NAV2: variants seen among roughly 807,000 people sequenced by gnomAD.
NAV2 encodes helicase, APC down-regulated 1.
NAV2 carries 54 observed loss-of-function variants against 223.2 expected under a neutral mutation model. The ratio of observed to expected loss-of-function variants is 0.24; its 90% CI spans 0.19 to 0.30. NAV2 has a LOEUF of 0.30. Among genes scored for constraint, NAV2 ranks in the 10% least tolerant of loss-of-function variants. The pLI is 1.00. For synonymous variants in NAV2, 1,279 were observed against 1,239.3 expected, an observed-to-expected ratio of 1.03 and a Z score of -0.67; for missense variants, 2,806 against 3,147.5, an observed-to-expected ratio of 0.89 and a Z score of 2.60.
chr11:19,657,681 T>C (rs2135708242), intron 1 of NAV2, among the ~76,000 whole-genome samples: 1 of 152,258 alleles, frequency 6.6e-6, no homozygotes, highest in Middle Eastern at 3.4e-3. Flanking sequence ...AAGACTGTGC[T>C]AATGTCCCTC....
intron 6 of NAV2, among the ~76,000 whole-genome samples, chr11:19,899,214 G>A (rs2042247217): frequency 6.6e-6 from 1 of 152,186 alleles, no homozygotes; most frequent in South Asian, 2.1e-4. Context: ...GTCATGAGCA[G>A]AAGAGAAGAG....
chr11:19,903,892 C>T (rs1057405394), intron 6 of NAV2, among the ~76,000 whole-genome samples: 2 of 152,136 alleles, frequency 1.3e-5, no homozygotes, highest in African/African-American at 4.8e-5. Flanking sequence ...TGGAGAAAAC[C>T]CACAGTGTGG....
At chr11:19,616,631 A>T (rs1245582379) in intron 1 of NAV2, among the ~76,000 whole-genome samples, 2 of 151,882 alleles carry the variant, frequency 1.3e-5, no homozygotes, top group East Asian at 3.9e-4. Context: ...TGCCCTGATG[A>T]TGGGGAGGAC....
At chr11:19,856,058 C>G (rs569752545) in intron 3 of NAV2, among the ~76,000 whole-genome samples, 1 of 152,284 alleles carries the variant, frequency 6.6e-6, no homozygotes, top group Admixed American at 6.5e-5. Flanking sequence ...AATATTTAAC[C>G]ATTTTTTACC....
At chr11:19,874,821 C>T (rs1325893892) in intron 4 of NAV2, among the ~76,000 whole-genome samples, 1 of 152,144 alleles carries the variant, frequency 6.6e-6, no homozygotes, top group African/African-American at 2.4e-5. Context: ...CTGACAAATG[C>T]TCTAACATCG....
intron 6 of NAV2, among the ~76,000 whole-genome samples, chr11:19,923,892 CAA>C (rs1491581368): frequency 6.6e-6 from 1 of 152,056 alleles, no homozygotes; most frequent in African/African-American, 2.4e-5. Context: ...CAAATAAGTT[CAA>C]GAGAGAGAAA....
chr11:19,615,609 A>G (rs1347662856), intron 1 of NAV2, among the ~76,000 whole-genome samples: 1 of 152,188 alleles, frequency 6.6e-6, no homozygotes, highest in African/African-American at 2.4e-5. Flanking sequence ...CATTATATAC[A>G]TATACACATA....
At chr11:20,018,811 G>T (rs956914404) in intron 11 of NAV2, among the ~76,000 whole-genome samples, 1 of 152,188 alleles carries the variant, frequency 6.6e-6, no homozygotes, top group Non-Finnish European at 1.5e-5. Context: ...ATGTAATTGG[G>T]CCAGAGTCTA....
At chr11:19,760,201 T>C (rs1469243738) in intron 1 of NAV2, 1 of 152,220 alleles carries the variant, frequency 6.6e-6, no homozygotes, top group African/African-American at 2.4e-5. Flanking sequence ...GTGTGAGCTT[T>C]GGCATTGCTC....
At chr11:19,531,046 T>A (rs2044013871) in intron 1 of NAV2, among the ~76,000 whole-genome samples, 1 of 152,254 alleles carries the variant, frequency 6.6e-6, no homozygotes, top group African/African-American at 2.4e-5. Flanking sequence ...CAAATATTTA[T>A]AATATTCATC....
At chr11:20,028,209 A>G (rs1398810637) in intron 11 of NAV2, among the ~76,000 whole-genome samples, 1 of 152,188 alleles carries the variant, frequency 6.6e-6, no homozygotes, top group Non-Finnish European at 1.5e-5. Context: ...TTTTCATAGC[A>G]AATCGCTTGT....
chr11:19,531,753 T>C (rs1251770261), intron 1 of NAV2, among the ~76,000 whole-genome samples: 1 of 152,204 alleles, frequency 6.6e-6, no homozygotes, highest in South Asian at 2.1e-4. Flanking sequence ...GGGTGTGTTC[T>C]AGGGGTAAAT....
intron 1 of NAV2, among the ~76,000 whole-genome samples, chr11:19,522,877 A>G (rs933176822): frequency 2.6e-5 from 4 of 152,240 alleles, no homozygotes; most frequent in African/African-American, 9.6e-5. Context: ...AGCGTCCTCC[A>G]TATACCAGCC....
At chr11:20,007,445 G>T (rs1353715863) in intron 11 of NAV2, among the ~76,000 whole-genome samples, 2 of 152,226 alleles carry the variant, frequency 1.3e-5, no homozygotes, top group East Asian at 1.9e-4. Flanking sequence ...CCTTTGAGTG[G>T]CCTTGAGGCT....
intron 7 of NAV2, among the ~76,000 whole-genome samples, chr11:19,935,036 A>G (rs2045723408): frequency 6.6e-6 from 1 of 152,136 alleles, no homozygotes; most frequent in African/African-American, 2.4e-5. Flanking sequence ...TGCTCAGGCT[A>G]CACCACACCC....
chr11:19,796,902 T>A (rs1590597105), intron 1 of NAV2, among the ~76,000 whole-genome samples: 4 of 152,316 alleles, frequency 2.6e-5, no homozygotes, highest in Admixed American at 2.6e-4. Context: ...CTATTGTCTC[T>A]TGGCACTTGG....
intron 1 of NAV2, among the ~76,000 whole-genome samples, chr11:19,469,809 G>C (rs554364613): frequency 6.6e-6 from 1 of 152,320 alleles, no homozygotes; most frequent in Admixed American, 6.5e-5. Context: ...TGTGTTTACT[G>C]TATTGAATTT....
intron 11 of NAV2, chr11:20,023,150 A>G (rs2449501): frequency 0.17 from 270,500 of 1,549,834 alleles, 24,792 homozygotes; most frequent in African/African-American, 0.3. Context: ...GATTTTCTAA[A>G]ATTTCTGGGG....
chr11:19,963,151 G>A (rs752583772), intron 10 of NAV2, among the ~76,000 whole-genome samples: 1 of 152,204 alleles, frequency 6.6e-6, no homozygotes, highest in South Asian at 2.1e-4. Context: ...ATTCATAGTC[G>A]CTAACTGCTT....
Sources: gnomAD v4.1 joint callset for allele counts (sites outside exome capture counted in the v4.1 genomes callset) on GRCh38, gnomAD v4.1.1 for gene constraint, MANE v1.5 for transcripts, NCBI Gene and HGNC (gene_info 2026-07-23, HGNC 2026-07-21) for gene names.